SEMA4F: variants seen among roughly 807,000 people sequenced by gnomAD.
SEMA4F encodes ssemaphorin 4F.
A neutral mutation model predicts 78.4 loss-of-function variants in SEMA4F; 51 were observed. The ratio of observed to expected loss-of-function variants is 0.65; its 90% confidence interval spans 0.52 to 0.82. The LOEUF (loss-of-function observed/expected upper bound fraction) is 0.82. Among genes scored for constraint, SEMA4F ranks in the 40% least tolerant of loss-of-function variants. The pLI, the probability that SEMA4F is intolerant of heterozygous loss-of-function variation, is 0.00. For missense variants in SEMA4F, 938 were observed against 1,014.4 expected (o/e 0.92, Z 1.02); for synonymous variants, 418 against 408.7 (o/e 1.02, Z -0.27).
At chr2:74,655,762 T>C (rs1684100383) in intron 1 of SEMA4F, among the ~76,000 whole-genome samples, 1 of 151,542 alleles carries the variant, frequency 6.6e-6, no homozygotes, top group Non-Finnish European at 1.5e-5. Flanking sequence ...CATGAGAGAG[T>C]GGGCACAGAG....
chr2:74,689,443 G>C, the SEMA4F span, among the ~76,000 whole-genome samples: 1 of 152,058 alleles, frequency 6.6e-6, no homozygotes, highest in Non-Finnish European at 1.5e-5. Context: ...GGGCATTCTG[G>C]TAATATCTAT....
In SEMA4F at chr2:74,679,848, A is replaced by T; in HGVS notation, c.1952A>T (p.Asp651Val). Reference sequence around the variant, plus strand: ...AGCTTGGTATGGGGCAGCCAGCGAGATGCTCCGAGCCGGGCCCACACAGTG... The same window carrying T: ...AGCTTGGTATGGGGCAGCCAGCGAGTTGCTCCGAGCCGGGCCCACACAGTG... Reference protein sequence around the residue: ...AYSLVWGSQRDAPSRAHTVGA... With the variant: ...AYSLVWGSQRVAPSRAHTVGA... Residue 651 changes from aspartate (D) to valine (V), a missense_variant, in exon 14 of 14, where the codon GAT (aspartate) becomes GTT (valine). Physicochemically the swap from Asp to Val is radical, Grantham distance 152. Transcript: ENST00000357877. 6.2e-7 allele frequency: 1 copy of T among 1,614,168 alleles called. No individual in the cohort carries two copies. The highest frequency in any genetic ancestry group is 1.3e-5 in the African/African-American group (1 of 75,058).
chr2:74,705,423 A>T, the SEMA4F span, among the ~76,000 whole-genome samples: 1 of 152,250 alleles, frequency 6.6e-6, no homozygotes, highest in African/African-American at 2.4e-5. Flanking sequence ...GAGTAAGTAG[A>T]GACATCCCTG....
intron 4 of SEMA4F, among the ~76,000 whole-genome samples, chr2:74,662,037 C>T (rs896273514): frequency 7.2e-5 from 11 of 152,174 alleles, no homozygotes; most frequent in Non-Finnish European, 1.3e-4. Context: ...CCTGATGAAG[C>T]TCTTACACCT....
rs555545393 is a variant in SEMA4F at position 74,669,833 on chromosome 2, G to A, written c.551-3624G>A. ...GATTTTTCTTTGGCTGTGTTTCTTC[G>A]TCTTTTGTGGCTTTCAATGTCTTTT... On this transcript the variant is annotated intron_variant, in intron 5 of 13. Coordinates refer to ENST00000357877, the MANE Select transcript of SEMA4F (RefSeq NM_004263.5). 1.1e-4 allele frequency among the ~76,000 whole-genome samples: 17 copies of A among 151,858 alleles called. No individual in the cohort carries two copies. The South Asian group carries it at 3.1e-3, about 28-fold the overall frequency.
chr2:74,689,735 C>T, the SEMA4F span, among the ~76,000 whole-genome samples: 1 of 152,114 alleles, frequency 6.6e-6, no homozygotes, highest in South Asian at 2.1e-4. Context: ...AGGAGCTGGC[C>T]TGGCACTCAT....
At position 74,656,587 on chromosome 2, in the gene SEMA4F, G is replaced by C; in HGVS notation, c.199G>C (p.Val67Leu). ...FAVPHTYNYSVLLVDPASHTL... is the reference protein window; with the variant it reads ...FAVPHTYNYSLLLVDPASHTL... ...AGTCCCTCACACATACAATTACTCT[G>C]TTCTCCTTGTGGATCCTGCCTCCCA... Residue 67 changes from valine to leucine, a missense_variant, in exon 2 of 14, where the codon GTT becomes CTT. Transcript: ENST00000357877. The C allele has an allele frequency of 1.9e-6, 3 of 1,614,090 alleles. No homozygotes were observed. Among genetic ancestry groups the C allele is most frequent in the Non-Finnish European group, 2.5e-6 (3 of 1,179,996 alleles).
At chr2:74,689,806 C>G in the SEMA4F span, among the ~76,000 whole-genome samples, 4 of 152,188 alleles carry the variant, frequency 2.6e-5, no homozygotes, top group East Asian at 1.9e-4. Context: ...CAACATCAGA[C>G]AAGGACACTC....
At chr2:74,689,509 T>C in the SEMA4F span, among the ~76,000 whole-genome samples, 1 of 152,210 alleles carries the variant, frequency 6.6e-6, no homozygotes, top group Non-Finnish European at 1.5e-5. Context: ...TTTAGAAATT[T>C]ATTTTAAGGA....
At chr2:74,688,885 A>G in the SEMA4F span, among the ~76,000 whole-genome samples, 1 of 152,250 alleles carries the variant, frequency 6.6e-6, no homozygotes, top group East Asian at 1.9e-4. Flanking sequence ...GATTTAAAAA[A>G]ATAGATTGGG....
chr2:74,697,625 C>T, the SEMA4F span, among the ~76,000 whole-genome samples: 1 of 152,106 alleles, frequency 6.6e-6, no homozygotes, highest in South Asian at 2.1e-4. Context: ...GGTGGGGTTG[C>T]CTCCTGCTGG....
In SEMA4F at chr2:74,668,754, C is replaced by T. The variant is rs181515591; in HGVS notation, c.551-4703C>T. Among the ~76,000 whole-genome samples the T allele has an allele frequency of 1.9e-3, 284 of 151,550 alleles. 1 individual carries two copies. The highest frequency in any genetic ancestry group is 6.8e-3 in the Middle Eastern group (2 of 292). On this transcript the variant is annotated intron_variant, in intron 5 of 13. Transcript: ENST00000357877. Reference sequence around the variant, plus strand: ...AAGTGATTCTCCTGTTTCAGCCTCCCAAGTAGCTGGGATTACAGGCATGCA... The same window carrying T: ...AAGTGATTCTCCTGTTTCAGCCTCCTAAGTAGCTGGGATTACAGGCATGCA...
chr2:74,674,364 C>T, intron 7 of SEMA4F, 134 bp from the exon 8 acceptor site: 2 of 737,126 alleles, frequency 2.7e-6, no homozygotes, highest in Non-Finnish European at 4.4e-6. Context: ...GCTCTCTGTC[C>T]TTGCATTTGT....
chr2:74,675,239 G>C lies in SEMA4F; in HGVS notation c.1227G>C (p.Arg409=), dbSNP rs78130456. 3.1e-4 allele frequency: 497 copies of C among 1,614,074 alleles called. 1 individual carries two copies. In the East Asian group the frequency reaches 0.011, roughly 35 times the overall value. Residue 409 remains arginine, a synonymous_variant, in exon 10 of 14, where the codon CGG becomes CGC. Transcript: ENST00000357877. The part of the protein sequence containing the change: ...SLPDRVLTFI[R]DHPLMDRPVF... The stretch of plus-strand genomic sequence containing the variant: ...CTGACCGCGTACTCACCTTCATCCG[G>C]GACCACCCACTCATGGACAGGCCAG...
In SEMA4F at chr2:74,669,191, C is replaced by T. The variant is rs543814541; in HGVS notation, c.551-4266C>T. ...GGCATAGTGGCGCATGCCTGTGGTC[C>T]CAGCTACCTGGGAGGCTGAGGTGGG... On this transcript the variant is annotated intron_variant, in intron 5 of 13. Coordinates refer to ENST00000357877, the MANE Select transcript of SEMA4F (RefSeq NM_004263.5). Among the ~76,000 whole-genome samples the T allele has an allele frequency of 9.2e-5, 14 of 152,216 alleles. No individual in the cohort carries two copies. The East Asian group carries it at 2.5e-3, about 27-fold the overall frequency.
intron 12 of SEMA4F, among the ~76,000 whole-genome samples, chr2:74,678,252 G>A (rs966351253): frequency 6.6e-6 from 1 of 152,150 alleles, no homozygotes; most frequent in Non-Finnish European, 1.5e-5. Flanking sequence ...TGAGTGGAGG[G>A]GGGTGGTGGG....
At chr2:74,659,033 T>C (rs2104921521) in intron 4 of SEMA4F, among the ~76,000 whole-genome samples, 1 of 152,284 alleles carries the variant, frequency 6.6e-6, no homozygotes, top group Non-Finnish European at 1.5e-5. Flanking sequence ...CTGGGCTGCC[T>C]TGGGGTGGGT....
the SEMA4F span, among the ~76,000 whole-genome samples, chr2:74,698,823 C>T: frequency 3.9e-5 from 6 of 152,192 alleles, no homozygotes; most frequent in African/African-American, 1.4e-4. Context: ...GTTGTTATTT[C>T]CACTTCAGAG....
the SEMA4F span, among the ~76,000 whole-genome samples, chr2:74,696,160 A>G: frequency 6.8e-6 from 1 of 147,126 alleles, no homozygotes; most frequent in Non-Finnish European, 1.5e-5. Flanking sequence ...AAAAGTTTGT[A>G]TACTGAAAAA....
Sources: gnomAD v4.1 joint callset for allele counts (sites outside exome capture counted in the v4.1 genomes callset) on GRCh38, gnomAD v4.1.1 for gene constraint, MANE v1.5 for transcripts, NCBI Gene and HGNC (gene_info 2026-07-23, HGNC 2026-07-21) for gene names.